Variants in DSCAM observed in about 807,000 individuals in gnomAD.
DSCAM encodes the protein DS cell adhesion molecule, also known as cell adhesion molecule DSCAM.
DSCAM carries 47 observed loss-of-function variants against 217.7 expected under a neutral mutation model. The ratio of observed to expected loss-of-function variants is 0.22; its 90% CI spans 0.17 to 0.28. The LOEUF (loss-of-function observed/expected upper bound fraction) is 0.28, where lower values mean the gene tolerates loss of function less well. Among genes scored for constraint, DSCAM ranks in the 10% least tolerant of loss-of-function variants. The probability of loss-of-function intolerance (pLI) is 1.00; values close to 1 mark genes in which losing one functional copy is unlikely to be tolerated. For synonymous variants in DSCAM, 1,056 were observed against 1,015.3 expected (o/e 1.04, Z -0.76); for missense variants, 2,080 against 2,618.3 (o/e 0.79, Z 4.49).
intron 8 of DSCAM, among the ~76,000 whole-genome samples, chr21:40,334,226 C>G (rs2074405694): frequency 6.6e-6 from 1 of 152,110 alleles, no homozygotes; most frequent in Admixed American, 6.6e-5. Flanking sequence ...TTCCTGAACT[C>G]TACTCTCCCA....
At chr21:40,759,160 T>C (rs1335782277) in intron 1 of DSCAM, among the ~76,000 whole-genome samples, 1 of 152,030 alleles carries the variant, frequency 6.6e-6, no homozygotes, top group African/African-American at 2.4e-5. Context: ...TCCCATCCTG[T>C]CTCATCTCTT....
intron 3 of DSCAM, among the ~76,000 whole-genome samples, chr21:40,538,361 G>A (rs371183818): frequency 1.3e-5 from 2 of 152,170 alleles, no homozygotes; most frequent in African/African-American, 4.8e-5. Context: ...CTGTCCTGTA[G>A]GACCCGGAGC....
At chr21:40,180,805 G>A (rs530834581) in intron 14 of DSCAM, among the ~76,000 whole-genome samples, 1 of 152,122 alleles carries the variant, frequency 6.6e-6, no homozygotes, top group African/African-American at 2.4e-5. Flanking sequence ...AGAGGCATAT[G>A]AGTGTCCATG....
In DSCAM at chr21:40,733,598, G is replaced by A. The variant is rs372491762; in HGVS notation, c.44-24827C>T. ...GCCGCTGCTGAGAAACCTTGCCTCT[G>A]AGCATGGCACCCATAGACTGTGGGT... On this transcript the variant is annotated intron_variant, in intron 1 of 32. Transcript: ENST00000400454. Among the ~76,000 whole-genome samples the A allele has an allele frequency of 5.3e-5, 8 of 152,248 alleles. No homozygotes were observed. The East Asian group carries it at 1.2e-3, about 22-fold the overall frequency.
chr21:40,753,519 A>G (rs2091248264), intron 1 of DSCAM, among the ~76,000 whole-genome samples: 1 of 152,228 alleles, frequency 6.6e-6, no homozygotes, highest in Non-Finnish European at 1.5e-5. Flanking sequence ...CTTTAGATGT[A>G]TATTATACTG....
chr21:40,785,092 C>T (rs1047427252), intron 1 of DSCAM, among the ~76,000 whole-genome samples: 13 of 152,054 alleles, frequency 8.5e-5, no homozygotes, highest in African/African-American at 3.1e-4. Flanking sequence ...AAGTAGAGAC[C>T]AATACAAATA....
chr21:40,015,416 TC>T (rs1272210021), intron 32 of DSCAM, among the ~76,000 whole-genome samples: 245 of 41,322 alleles, frequency 5.9e-3, no homozygotes, highest in African/African-American at 0.02. Context: ...ATCTCTTGAC[TC>T]TTTTTTTTTT....
At chr21:40,488,216 G>A (rs2076046278) in intron 3 of DSCAM, among the ~76,000 whole-genome samples, 2 of 152,222 alleles carry the variant, frequency 1.3e-5, no homozygotes, top group South Asian at 4.1e-4. Flanking sequence ...GCTGGCTGGA[G>A]ACGGACACCT....
chr21:40,395,150 C>T (rs550816005), intron 3 of DSCAM, among the ~76,000 whole-genome samples: 1 of 152,288 alleles, frequency 6.6e-6, no homozygotes, highest in African/African-American at 2.4e-5. Flanking sequence ...TTCTTCCTCC[C>T]TTTCCTCTCT....
In DSCAM at chr21:40,620,341, GAAAGAGAA is replaced by G. The variant is rs1402118801; in HGVS notation, c.508+72461_508+72468del. On this transcript the variant is annotated intron_variant, in intron 3 of 32. Coordinates refer to ENST00000400454, the MANE Select transcript of DSCAM (RefSeq NM_001389.5). ...AAGAGAGAGAAAAAAGAAAAAGAAAGAAAGAGAAAGAGAGAGAAAAAAGAAAAAGAAAG... is the reference window on the plus strand; with the variant it reads ...AAGAGAGAGAAAAAAGAAAAAGAAAGAGAGAGAGAAAAAAGAAAAAGAAAG... 1.6e-4 allele frequency among the ~76,000 whole-genome samples: 19 copies of G among 118,816 alleles called. 1 individual carries two copies. Among genetic ancestry groups the G allele is most frequent in the African/African-American group, 5.6e-4 (17 of 30,544 alleles). 77.9% of individuals were successfully genotyped at this position (118,816 alleles called of 152,430 possible).
chr21:40,381,208 G>A (rs2075021378), intron 3 of DSCAM, among the ~76,000 whole-genome samples: 1 of 152,150 alleles, frequency 6.6e-6, no homozygotes, highest in South Asian at 2.1e-4. Context: ...CCTCCTGCCA[G>A]GAATAAGAAC....
Position 40,234,910 on chromosome 21 carries a change from C to T in DSCAM, c.2356+41187G>A, listed in dbSNP as rs1050178505. ...TGGTCTCCGTCTAGCTCCAGATCTTCGTAAGCATATCAGGGCATTATGACT... is the reference window on the plus strand; with the variant it reads ...TGGTCTCCGTCTAGCTCCAGATCTTTGTAAGCATATCAGGGCATTATGACT... On this transcript the variant is annotated intron_variant, in intron 11 of 32. Coordinates refer to ENST00000400454, the MANE Select transcript of DSCAM (RefSeq NM_001389.5). 1.8e-4 allele frequency among the ~76,000 whole-genome samples: 28 copies of T among 152,076 alleles called. 1 individual carries two copies. Among genetic ancestry groups the T allele is most frequent in the South Asian group, 2.1e-4 (1 of 4,820 alleles).
At chr21:40,179,312 A>G (rs2090773374) in intron 14 of DSCAM, among the ~76,000 whole-genome samples, 1 of 151,966 alleles carries the variant, frequency 6.6e-6, no homozygotes, top group Non-Finnish European at 1.5e-5. Flanking sequence ...TCCCACACAC[A>G]TTATTCACGC....
At chr21:40,111,737 GA>G (rs1387267938) in intron 20 of DSCAM, among the ~76,000 whole-genome samples, 3 of 151,824 alleles carry the variant, frequency 2.0e-5, no homozygotes, top group African/African-American at 7.2e-5. Context: ...CAAGCAAATA[GA>G]AAACAAAAAA....
chr21:40,181,686 G>A (rs1004647348), intron 14 of DSCAM, among the ~76,000 whole-genome samples: 14 of 151,570 alleles, frequency 9.2e-5, no homozygotes, highest in African/African-American at 3.4e-4. Flanking sequence ...GGCACCTGCT[G>A]AAAATCTCGT....
chr21:40,292,108 G>A (rs908725450), intron 10 of DSCAM, among the ~76,000 whole-genome samples: 4 of 148,476 alleles, frequency 2.7e-5, no homozygotes, highest in African/African-American at 9.9e-5. Flanking sequence ...ATTTGTTCAT[G>A]TAAATAAATA....
chr21:40,120,899 T>C (rs560012107), intron 20 of DSCAM, among the ~76,000 whole-genome samples: 2 of 152,306 alleles, frequency 1.3e-5, no homozygotes, highest in African/African-American at 2.4e-5. Flanking sequence ...GAAAAAAGCT[T>C]GTCTATTTTA....
intron 3 of DSCAM, among the ~76,000 whole-genome samples, chr21:40,654,443 A>C (rs1378294486): frequency 2.6e-5 from 4 of 152,218 alleles, no homozygotes; most frequent in Non-Finnish European, 5.9e-5. Flanking sequence ...TCACTGCACT[A>C]AATTTTTACA....
intron 3 of DSCAM, among the ~76,000 whole-genome samples, chr21:40,399,107 C>CA (rs1367239476): frequency 6.6e-6 from 1 of 151,980 alleles, no homozygotes; most frequent in African/African-American, 2.4e-5. Flanking sequence ...CTTGACTCTA[C>CA]AAAAATAGAA....
Sources: gnomAD v4.1 joint callset for allele counts (sites outside exome capture counted in the v4.1 genomes callset) on GRCh38, gnomAD v4.1.1 for gene constraint, MANE v1.5 for transcripts, NCBI Gene and HGNC (gene_info 2026-07-23, HGNC 2026-07-21) for gene names.